The following ADAMTS9 variants were observed in gnomAD, a reference collection of about 807,000 sequenced individuals.
ADAMTS9 encodes ADAM metallopeptidase with thrombospondin type 1 motif 9, also known as A disintegrin and metalloproteinase with thrombospondin motifs 9.
In ADAMTS9, 107 loss-of-function variants were observed where a neutral mutation model predicts 257.1. The observed-to-expected ratio is 0.42, with a 90% CI of 0.36 to 0.49. The LOEUF (loss-of-function observed/expected upper bound fraction) is 0.49. Among genes scored for constraint, ADAMTS9 ranks in the 20% least tolerant of loss-of-function variants. ADAMTS9 has a pLI of 0.03. For synonymous variants in ADAMTS9, 982 were observed against 880.9 expected (o/e 1.11, Z -2.03); for missense variants, 2,353 against 2,469.1 (o/e 0.95, Z 1.00).
intron 28 of ADAMTS9, chr3:64,583,527 G>A (rs1370319282): frequency 2.0e-5 from 3 of 152,126 alleles, no homozygotes; most frequent in Admixed American, 1.3e-4. Context: ...CCAATTCTTT[G>A]TTGTTGGGGT....
At position 64,515,799 on chromosome 3, in the gene ADAMTS9, T is replaced by C. The variant is rs1437123737; in HGVS notation, c.*1328A>G. On this transcript the variant is annotated 3_prime_UTR_variant, in exon 40 of 40. Transcript: ENST00000498707. ...TTGGAGAATACTGCCAGGCTTTTCC[T>C]AATCTCTTTGGTCTTTGGAAGTGGG... The C allele has an allele frequency of 6.6e-6, 1 of 152,238 alleles. No individual in the cohort carries two copies. Among genetic ancestry groups the C allele is most frequent in the Non-Finnish European group, 1.5e-5 (1 of 68,046 alleles). 9.4% of individuals were successfully genotyped at this position (152,238 alleles called of 1,614,324 possible).
chr3:64,654,713 T>C (rs1701019750), intron 6 of ADAMTS9, 101 bp from the exon 7 acceptor site: 5 of 1,332,358 alleles, frequency 3.8e-6, no homozygotes, highest in Non-Finnish European at 5.2e-6. Flanking sequence ...AGTACACACT[T>C]TGGGGTGGGG....
chr3:64,540,937 G>C (rs963810233), intron 36 of ADAMTS9, among the ~76,000 whole-genome samples, 158 bp downstream of exon 36: 1 of 152,088 alleles, frequency 6.6e-6, no homozygotes, highest in African/African-American at 2.4e-5. Flanking sequence ...TATCCTCGCT[G>C]CACTGTAAGC....
intron 31 of ADAMTS9, among the ~76,000 whole-genome samples, chr3:64,547,306 T>C (rs961169208): frequency 2.7e-5 from 4 of 150,922 alleles, no homozygotes; most frequent in African/African-American, 9.7e-5. Flanking sequence ...GGCAAACTGC[T>C]CTTTTCTAAA....
At chr3:64,558,837 T>C (rs1169382576) in intron 30 of ADAMTS9, among the ~76,000 whole-genome samples, 1 of 152,152 alleles carries the variant, frequency 6.6e-6, no homozygotes, top group Non-Finnish European at 1.5e-5. Flanking sequence ...GGGGGGCTCC[T>C]GCACATCCCA....
intron 8 of ADAMTS9, among the ~76,000 whole-genome samples, chr3:64,653,704 C>G (rs1700988037): frequency 6.6e-6 from 1 of 152,110 alleles, no homozygotes; most frequent in Non-Finnish European, 1.5e-5. Flanking sequence ...GATCAAAACT[C>G]AGAATAATTT....
chr3:64,616,125 C>G lies in ADAMTS9; in HGVS notation c.2859G>C (p.Leu953Phe). 6.2e-7 allele frequency: 1 copy of G among 1,614,112 alleles called. No homozygotes were observed. Among genetic ancestry groups the G allele is most frequent in the Middle Eastern group, 1.7e-4 (1 of 6,050 alleles). ...SRSECSAQCG[L>F]GYRTLDIYCA... ...AGTAGATGTCCAATGTGCGGTAACC[C>G]AAGCCACACTGGGCACTACATTCAC... is the stretch of plus-strand genomic sequence containing the variant. Residue 953 changes from leucine (L) to phenylalanine (F), a missense_variant, in exon 20 of 40, where the codon TTG becomes TTC. Leu to Phe is a conservative substitution (Grantham distance 22, BLOSUM62 0). Around this residue, in one of 3 missense-constraint regions of ADAMTS9, gnomAD observed 1,402 missense variants for 1,441.4 expected, o/e 0.97. Coordinates refer to ENST00000498707, the MANE Select transcript of ADAMTS9 (RefSeq NM_182920.2).
chr3:64,536,971 A>G (rs2083058851), intron 37 of ADAMTS9, among the ~76,000 whole-genome samples: 1 of 152,204 alleles, frequency 6.6e-6, no homozygotes, highest in Non-Finnish European at 1.5e-5. Context: ...TTTCTGTGCA[A>G]TCACTAGGTC....
intron 32 of ADAMTS9, among the ~76,000 whole-genome samples, chr3:64,544,865 T>A (rs963644559): frequency 1.3e-5 from 2 of 152,178 alleles, no homozygotes; most frequent in African/African-American, 4.8e-5. Context: ...AATCTACCCA[T>A]CTGACAAAGG....
At position 64,604,140 on chromosome 3, in the gene ADAMTS9, A is replaced by C. The variant is rs372333516; in HGVS notation, c.3580-51T>G. On this transcript the variant is annotated intron_variant, in intron 24 of 39. Transcript: ENST00000498707. ...GTTATATTACGTGGAATGGCTGCTTACTGGACAGTAGCCCACTTTCTATAG... is the reference window on the plus strand; with the variant it reads ...GTTATATTACGTGGAATGGCTGCTTCCTGGACAGTAGCCCACTTTCTATAG... 2.7e-4 allele frequency: 437 copies of C among 1,605,008 alleles called. 1 individual carries two copies. Among genetic ancestry groups the C allele is most frequent in the Non-Finnish European group, 3.4e-4 (399 of 1,173,522 alleles).
intron 11 of ADAMTS9, among the ~76,000 whole-genome samples, chr3:64,644,495 A>G (rs944120772): frequency 6.6e-6 from 1 of 152,192 alleles, no homozygotes; most frequent in Non-Finnish European, 1.5e-5. Flanking sequence ...TTCACTCAAT[A>G]TCCATCCTCC....
chr3:64,630,560 G>C (rs952012563), intron 16 of ADAMTS9, among the ~76,000 whole-genome samples: 2 of 152,180 alleles, frequency 1.3e-5, no homozygotes, highest in East Asian at 3.9e-4. Context: ...CTCGGTGACA[G>C]AGTGAGACCC....
chr3:64,669,408 G>C (rs1014919444), intron 3 of ADAMTS9, among the ~76,000 whole-genome samples: 2 of 152,060 alleles, frequency 1.3e-5, no homozygotes, highest in Non-Finnish European at 2.9e-5. Context: ...AAAGAACACA[G>C]GACTGGGAAG....
rs182215413 is a variant in ADAMTS9 at position 64,666,170 on chromosome 3, C to T, written c.680-7379G>A. On this transcript the variant is annotated intron_variant, in intron 3 of 39. Coordinates refer to ENST00000498707, the MANE Select transcript of ADAMTS9 (RefSeq NM_182920.2). ...AATGTTTTAAATGAGCTTCACTTCA[C>T]GTTGCAATACAATAAAATGCACAGT... is the stretch of plus-strand genomic sequence containing the variant. Among the ~76,000 whole-genome samples the T allele has an allele frequency of 8.8e-4, 134 of 152,286 alleles. 2 individuals carry two copies. Among genetic ancestry groups the T allele is most frequent in the East Asian group, 1.7e-3 (9 of 5,172 alleles).
At chr3:64,684,043 A>G (rs150499998) in intron 2 of ADAMTS9, among the ~76,000 whole-genome samples, 371 of 152,290 alleles carry the variant, frequency 2.4e-3, no homozygotes, top group Non-Finnish European at 4.3e-3. Context: ...GACCAAGTAA[A>G]TTCCAAGGCA....
At chr3:64,554,096 C>T (rs1356650669) in intron 30 of ADAMTS9, among the ~76,000 whole-genome samples, 1 of 152,156 alleles carries the variant, frequency 6.6e-6, no homozygotes, top group Non-Finnish European at 1.5e-5. Flanking sequence ...TGGACTAAAC[C>T]TTCCAGTATC....
In ADAMTS9 at chr3:64,654,535, C is replaced by T. The variant is rs141032252; in HGVS notation, c.1210+37G>A. 1.9e-5 allele frequency: 31 copies of T among 1,593,194 alleles called. No homozygotes were observed. The South Asian group carries it at 2.1e-4, about 11-fold the overall frequency. On this transcript the variant is annotated intron_variant, in intron 7 of 39. Coordinates refer to ENST00000498707, the MANE Select transcript of ADAMTS9 (RefSeq NM_182920.2). ...CTTGAAATACAAACATGTAGTAAAA[C>T]GGTTTTAGCCATAGAAGATACGCAC...
Position 64,631,878 on chromosome 3 carries a change from T to A in ADAMTS9, c.2223A>T (p.Lys741Asn). 2 of 1,614,032 alleles carry A rather than the reference T, an allele frequency of 1.2e-6. No homozygotes were observed. The highest frequency in any genetic ancestry group is 1.7e-6 in the Non-Finnish European group (2 of 1,179,950). The change falls in exon 15 of 40, where the codon AAA becomes AAT. Residue 741 changes from lysine (K) to asparagine (N), a missense_variant. Transcript: ENST00000498707. Reference sequence around the variant, plus strand: ...AATTATCGCCACCACAAACCCCACATTTATCTCTCCGGGCTTTTGAGTTTA... The same window carrying A: ...AATTATCGCCACCACAAACCCCACAATTATCTCTCCGGGCTTTTGAGTTTA... ...HVLNSKARRD[K>N]CGVCGGDNSS...
intron 25 of ADAMTS9, among the ~76,000 whole-genome samples, chr3:64,602,838 C>T (rs1047055791): frequency 6.6e-6 from 1 of 152,154 alleles, no homozygotes; most frequent in Non-Finnish European, 1.5e-5. Context: ...TACATACTTC[C>T]TTATTTGTTC....
Sources: allele counts gnomAD v4.1 joint callset (sites outside exome capture counted in the v4.1 genomes callset), GRCh38; gene constraint gnomAD v4.1.1; regional missense constraint gnomAD v4.1.1; transcripts MANE v1.5; gene names NCBI Gene and HGNC (gene_info 2026-07-23, HGNC 2026-07-21).